The following FHIP1B variants were observed in gnomAD, a reference collection of about 807,000 sequenced individuals.
The protein encoded by FHIP1B is FHF complex subunit HOOK interacting protein 1B, also known as FHF complex subunit HOOK-interacting protein 1B.
A neutral mutation model predicts 82.2 loss-of-function variants in FHIP1B; 28 were observed. That is an observed-to-expected ratio of 0.34 (90% CI 0.25 to 0.47). The LOEUF (loss-of-function observed/expected upper bound fraction) is 0.47. FHIP1B is among the 20% of genes least tolerant of loss of function. The pLI, the probability that FHIP1B is intolerant of heterozygous loss-of-function variation, is 1.00. For synonymous variants in FHIP1B, 585 were observed against 516.1 expected, an observed-to-expected ratio of 1.13 and a Z score of -1.81; for missense variants, 1,110 against 1,262.6, an observed-to-expected ratio of 0.88 and a Z score of 1.83.
intron 9 of FHIP1B, chr11:6,216,783 A>C (rs528113777): frequency 2.1e-6 from 1 of 487,714 alleles, no homozygotes; most frequent in Non-Finnish European, 3.7e-6. Flanking sequence ...GCTAGCAGAC[A>C]GTCACAGCAA....
Position 6,211,617 on chromosome 11 carries a change from C to T in FHIP1B, c.2808G>A (p.Lys936=). ...YCAVIFPEFL[K]ELAAISQAHA... ...GAGCCTGGGAGATGGCAGCCAACTC[C>T]TTGAGAAATTCAGGGAAAATGACTG... The change falls in exon 12 of 12, where the codon AAG becomes AAA. Residue 936 remains lysine (K), a synonymous_variant. Transcript: ENST00000449352. The T allele has an allele frequency of 6.2e-7, 1 of 1,614,248 alleles. No individual in the cohort carries two copies. Among genetic ancestry groups the T allele is most frequent in the Non-Finnish European group, 8.5e-7 (1 of 1,180,046 alleles).
At position 6,224,015 on chromosome 11, in the gene FHIP1B, C is replaced by T; in HGVS notation, c.372G>A (p.Glu124=). The T allele has an allele frequency of 1.9e-6, 3 of 1,613,966 alleles. No individual in the cohort carries two copies. The highest frequency in any genetic ancestry group is 2.5e-6 in the Non-Finnish European group (3 of 1,179,920). Residue 124 remains glutamate (E), a synonymous_variant, in exon 3 of 12, where the codon GAG becomes GAA. Transcript: ENST00000449352. ...LQWDELGDGV[E]ERRAEQLKLF... ...GTTTCAGTTGCTCAGCCCGCCGTTC[C>T]TCGACCCCATCCCCAAGCTCATCCC...
At chr11:6,232,038 G>A (rs1847712507) in intron 1 of FHIP1B, among the ~76,000 whole-genome samples, 1 of 152,192 alleles carries the variant, frequency 6.6e-6, no homozygotes. Context: ...GCCTGGCACA[G>A]AGCAGATATG....
intron 9 of FHIP1B, 25 bp downstream of exon 9, chr11:6,217,346 G>A (rs1274051140): frequency 6.3e-7 from 1 of 1,598,040 alleles, no homozygotes; most frequent in Non-Finnish European, 8.6e-7. Flanking sequence ...TACACAGAAG[G>A]GAAGGCCTAG....
chr11:6,224,464 C>A lies in FHIP1B; in HGVS notation c.53G>T (p.Arg18Leu). The change falls in exon 2 of 12, where the codon CGT (arginine) becomes CTT (leucine). Residue 18 changes from arginine to leucine, a missense_variant. Transcript: ENST00000449352. ...SRLASRGPGH[R>L]IPQGANLQTP... ...TTGGAGATTGGCCCCTTGAGGTATA[C>A]GGTGCCCAGGGCCCCGGGAGGCCAG... 6.2e-7 allele frequency: 1 copy of A among 1,613,738 alleles called. No individual in the cohort carries two copies. The highest frequency in any genetic ancestry group is 8.5e-7 in the Non-Finnish European group (1 of 1,179,886).
Position 6,224,672 on chromosome 11 carries a change from A to C in FHIP1B, c.-156T>G, listed in dbSNP as rs1847515064. The C allele has an allele frequency of 1.4e-6, 1 of 701,404 alleles. No individual in the cohort carries two copies. The highest frequency in any genetic ancestry group is 1.8e-5 in the African/African-American group (1 of 55,616). The allele number at this position is 701,404 out of a possible 1,614,324, so 43.4% of individuals were successfully genotyped here. On this transcript the variant is annotated 5_prime_UTR_variant, in exon 2 of 12. Transcript: ENST00000449352. ...GAGGTTATACCAGGCTGGAATGGCA[A>C]GCCCAGAGGTCACTGGCCAGTCCAG...
At chr11:6,219,901 C>T (rs1847358250) in intron 6 of FHIP1B, among the ~76,000 whole-genome samples, 1 of 152,160 alleles carries the variant, frequency 6.6e-6, no homozygotes, top group South Asian at 2.1e-4. Context: ...AAGTCAACCA[C>T]ACAGCAAGAA....
At position 6,222,607 on chromosome 11, in the gene FHIP1B, G is replaced by A. The variant is rs754420294; in HGVS notation, c.1026C>T (p.Thr342=). The A allele has an allele frequency of 1.8e-5, 29 of 1,613,844 alleles. No homozygotes were observed. The highest frequency in any genetic ancestry group is 2.3e-5 in the Non-Finnish European group (27 of 1,179,946). Residue 342 remains threonine (T), a splice_region_variant and synonymous_variant, in exon 6 of 12, where the codon ACC becomes ACT. Coordinates refer to ENST00000449352, the MANE Select transcript of FHIP1B (RefSeq NM_001098794.2). The part of the protein sequence containing the change: ...VPVMGPALHK[T]SVEEMIASTA... ...TACTGGCGATCATCTCCTCCACAGA[G>A]GTCTGCACAAAAAGAAGGGAAAGTC...
Position 6,214,930 on chromosome 11 carries a change from G to A in FHIP1B, c.2216-19C>T, listed in dbSNP as rs1847183886. On this transcript the variant is annotated intron_variant, in intron 9 of 11. Transcript: ENST00000449352. ...AAGGGGCCTGGGTTGGGGGGGAGGT[G>A]GGCACAAGGATACAAAGCCTGAACA... 8.5e-6 allele frequency: 13 copies of A among 1,531,668 alleles called. No individual in the cohort carries two copies. Among genetic ancestry groups the A allele is most frequent in the Non-Finnish European group, 1.1e-5 (12 of 1,137,720 alleles). The allele number at this position is 1,531,668 out of a possible 1,614,324, so 94.9% of individuals were successfully genotyped here.
intron 1 of FHIP1B, among the ~76,000 whole-genome samples, chr11:6,232,340 GTATTATA>G (rs1564872592): frequency 6.6e-6 from 1 of 152,156 alleles, no homozygotes; most frequent in Non-Finnish European, 1.5e-5. Context: ...TGTGATCCAG[GTATTATA>G]TATACCTGTT....
chr11:6,224,507 T>C lies in FHIP1B; in HGVS notation c.10A>G (p.Met4Val). ...GAGGCCAGTCTGCTCAGCCAATTCATCCTCTCCATGAGGCAGGCTGGGCAG... is the reference window on the plus strand; with the variant it reads ...GAGGCCAGTCTGCTCAGCCAATTCACCCTCTCCATGAGGCAGGCTGGGCAG... MER[M>V]NWLSRLASRG... is the part of the protein sequence containing the mutation. Residue 4 changes from methionine to valine, a missense_variant, in exon 2 of 12, where the codon ATG (methionine) becomes GTG (valine). Coordinates refer to ENST00000449352, the MANE Select transcript of FHIP1B (RefSeq NM_001098794.2). 5.6e-6 allele frequency: 9 copies of C among 1,612,282 alleles called. No homozygotes were observed. The highest frequency in any genetic ancestry group is 6.8e-6 in the Non-Finnish European group (8 of 1,179,098).
rs764087127 is a variant in FHIP1B at position 6,223,808 on chromosome 11, C to T, written c.579G>A (p.Leu193=). 2 of 1,614,178 alleles carry T rather than the reference C, an allele frequency of 1.2e-6. No individual in the cohort carries two copies. The highest frequency in any genetic ancestry group is 8.5e-7 in the Non-Finnish European group (1 of 1,180,020). Reference sequence around the variant, plus strand: ...GAGGTGGCTGCAGGAAGAACTCGAGCAATGAAGGCTCCTGGGCCACACAAA... The same window carrying T: ...GAGGTGGCTGCAGGAAGAACTCGAGTAATGAAGGCTCCTGGGCCACACAAA... ...LCVCVAQEPS[L]LEFFLQPPPE... The change falls in exon 3 of 12, where the codon TTG becomes TTA. Residue 193 remains leucine, a synonymous_variant. Transcript: ENST00000449352. The surrounding 1 kb of genome is among the most constrained non-coding windows in gnomAD (Gnocchi z 4.8).
At position 6,217,743 on chromosome 11, in the gene FHIP1B, C is replaced by T. The variant is rs898411548; in HGVS notation, c.1843G>A (p.Gly615Arg). Residue 615 changes from glycine (G) to arginine (R), a missense_variant, in exon 9 of 12, where the codon GGG becomes AGG. Coordinates refer to ENST00000449352, the MANE Select transcript of FHIP1B (RefSeq NM_001098794.2). ...NVGEGEEEEL[G>R]RRGRAGGAGE... is the part of the protein sequence containing the mutation. ...GCACCCCCAGCCCGCCCCCTCCTCC[C>T]CAGCTCTTCCTCCTCCCCTTCCCCC... 8 of 1,606,708 alleles carry T rather than the reference C, an allele frequency of 5.0e-6. No homozygotes were observed. In the African/African-American group the frequency reaches 1.1e-4, roughly 22 times the overall value.
Position 6,222,424 on chromosome 11 carries a change from CA to C in FHIP1B, c.1191+17del, listed in dbSNP as rs753136466. On this transcript the variant is annotated intron_variant, in intron 6 of 11. Transcript: ENST00000449352. ...GATGGGTCATCCAGGTAAGCTAGGA[CA>C]GGGGTAAGGGCCATACCCGGGAGTT... 18 of 1,612,918 alleles carry C rather than the reference CA, an allele frequency of 1.1e-5. No homozygotes were observed. In the African/African-American group the frequency reaches 2.4e-4, roughly 22 times the overall value.
Position 6,219,048 on chromosome 11 carries a change from G to C in FHIP1B, c.1194C>G (p.Leu398=), listed in dbSNP as rs769045456. 6.2e-7 allele frequency: 1 copy of C among 1,611,560 alleles called. No individual in the cohort carries two copies. Among genetic ancestry groups the C allele is most frequent in the Non-Finnish European group, 8.5e-7 (1 of 1,178,456 alleles). ...TGAAGAGACTCAGAGAGACCATGCAGAGCTGGGGGGGTGGAGGGGAGGGAG... is the reference window on the plus strand; with the variant it reads ...TGAAGAGACTCAGAGAGACCATGCACAGCTGGGGGGGTGGAGGGGAGGGAG... The part of the protein sequence containing the change: ...LVARIGSNSR[L]CMVSLSLFRT... Residue 398 remains leucine (L), a splice_region_variant and synonymous_variant, in exon 7 of 12, where the codon CTC becomes CTG. Coordinates refer to ENST00000449352, the MANE Select transcript of FHIP1B (RefSeq NM_001098794.2).
chr11:6,222,731 C>G, intron 5 of FHIP1B, 80 bp downstream of exon 5: 1 of 1,549,508 alleles, frequency 6.5e-7, no homozygotes, highest in Non-Finnish European at 8.9e-7. Flanking sequence ...ACTCTACCCA[C>G]CGCCTCCTAC....
Position 6,223,348 on chromosome 11 carries a change from T to G in FHIP1B, c.778-110A>C, listed in dbSNP as rs895096129. On this transcript the variant is annotated intron_variant, in intron 3 of 11. Transcript: ENST00000449352. This position sits in a 1 kb window ranked among gnomAD's most constrained non-coding sequence, Gnocchi z 4.8. ...TTGATGGGAATAGGGGTATAAGCTA[T>G]TACCAAAGCAAGCATTTGCCTACCC... 19 of 1,218,112 alleles carry G rather than the reference T, an allele frequency of 1.6e-5. 1 individual carries two copies. Among genetic ancestry groups the G allele is most frequent in the Non-Finnish European group, 2.1e-5 (18 of 877,180 alleles). The allele number at this position is 1,218,112 out of a possible 1,614,324, so 75.5% of individuals were successfully genotyped here. A position where few individuals can be genotyped will look rare whatever the true frequency, so the allele number is the denominator to read the frequency against.
intron 11 of FHIP1B, 50 bp from the exon 12 acceptor site, chr11:6,211,917 C>T (rs1847084851): frequency 6.7e-7 from 1 of 1,495,424 alleles, no homozygotes; most frequent in Non-Finnish European, 8.8e-7. Flanking sequence ...GGGAACCTCC[C>T]TTGGACTGAG....
chr11:6,216,956 G>T, intron 9 of FHIP1B: 1 of 628,056 alleles, frequency 1.6e-6, no homozygotes, highest in South Asian at 1.9e-5. Context: ...TAAACTGGAC[G>T]GAATGGCATA....
Sources: gnomAD v4.1 joint callset for allele counts (sites outside exome capture counted in the v4.1 genomes callset) on GRCh38, gnomAD v4.1.1 for gene constraint, Gnocchi (gnomAD v3.1) non-coding constraint, MANE v1.5 for transcripts, NCBI Gene and HGNC (gene_info 2026-07-23, HGNC 2026-07-21) for gene names.